The following GRM5 variants were observed in gnomAD, a reference collection of about 807,000 sequenced individuals.
GRM5 encodes the protein glutamate metabotropic receptor 5.
Under a neutral mutation model 83.1 loss-of-function variants are expected in GRM5, and 19 were observed. The observed-to-expected ratio is 0.23, with a 90% CI of 0.16 to 0.34. The LOEUF is 0.34. GRM5 is among the 10% of genes least tolerant of loss of function. The probability of loss-of-function intolerance (pLI) is 1.00; values close to 1 mark genes in which losing one functional copy is unlikely to be tolerated. For synonymous variants in GRM5, 675 were observed against 633.6 expected (o/e 1.07, Z -0.98); for missense variants, 1,160 against 1,588.3 (o/e 0.73, Z 4.58).
chr11:88,847,335 C>T (rs1420356031), intron 3 of GRM5, among the ~76,000 whole-genome samples: 9 of 152,216 alleles, frequency 5.9e-5, no homozygotes, highest in African/African-American at 2.2e-4. Context: ...AGCACTTTTA[C>T]ATATAGTAAA....
chr11:88,938,729 G>A (rs1336312988), intron 2 of GRM5, among the ~76,000 whole-genome samples: 2 of 151,518 alleles, frequency 1.3e-5, no homozygotes, highest in African/African-American at 4.8e-5. Flanking sequence ...CAGGGTTCAA[G>A]TAAAAGTAGG....
chr11:88,689,906 A>ATTT (rs148611004), intron 3 of GRM5, among the ~76,000 whole-genome samples: 1 of 150,092 alleles, frequency 6.7e-6, no homozygotes, highest in African/African-American at 2.4e-5. Flanking sequence ...TTAAAAGAAC[A>ATTT]TTTTTTTTTT....
At chr11:88,776,069 G>A (rs1282272619) in intron 3 of GRM5, among the ~76,000 whole-genome samples, 1 of 152,124 alleles carries the variant, frequency 6.6e-6, no homozygotes, top group Non-Finnish European at 1.5e-5. Context: ...CATTGTGTGG[G>A]AGTCTAAGTC....
chr11:88,547,397 A>G lies in GRM5; in HGVS notation c.2630+19656T>C, dbSNP rs191657121. ...ATTCTCCAAAGAAGAGAACAAAAGT[A>G]GACAGAACTCAAGGACCACAGATTG... On this transcript the variant is annotated intron_variant, in intron 8 of 9. Transcript: ENST00000305447. Among the ~76,000 whole-genome samples the G allele has an allele frequency of 2.2e-4, 33 of 152,286 alleles. No individual in the cohort carries two copies. The East Asian group carries it at 4.1e-3, about 19-fold the overall frequency.
At chr11:88,519,862 G>A (rs1434196887) in intron 9 of GRM5, among the ~76,000 whole-genome samples, 1 of 152,140 alleles carries the variant, frequency 6.6e-6, no homozygotes, top group Non-Finnish European at 1.5e-5. Flanking sequence ...CAGGCAATAT[G>A]CTAAGTGCTG....
intron 3 of GRM5, among the ~76,000 whole-genome samples, chr11:88,805,770 G>A (rs891526174): frequency 6.6e-6 from 1 of 152,158 alleles, no homozygotes; most frequent in Admixed American, 6.5e-5. Flanking sequence ...ACTCAATAAT[G>A]TTTTCTCAGT....
intron 4 of GRM5, among the ~76,000 whole-genome samples, chr11:88,645,927 C>G (rs957240964): frequency 6.6e-6 from 1 of 152,088 alleles, no homozygotes; most frequent in East Asian, 1.9e-4. Flanking sequence ...CCTTGAGATA[C>G]AGCATGGATG....
At chr11:89,038,573 A>G (rs1941450670) in intron 2 of GRM5, among the ~76,000 whole-genome samples, 1 of 152,222 alleles carries the variant, frequency 6.6e-6, no homozygotes, top group East Asian at 1.9e-4. Flanking sequence ...TGTGAGGTCA[A>G]CTTGTTACCA....
intron 3 of GRM5, among the ~76,000 whole-genome samples, chr11:88,722,854 T>C (rs1941580025): frequency 2.0e-5 from 3 of 151,938 alleles, no homozygotes; most frequent in Admixed American, 2.0e-4. Flanking sequence ...TGAATCAATA[T>C]TGATACATTA....
At chr11:88,552,064 G>T (rs1198386009) in intron 8 of GRM5, among the ~76,000 whole-genome samples, 4 of 140,994 alleles carry the variant, frequency 2.8e-5, no homozygotes, top group Non-Finnish European at 6.1e-5. Flanking sequence ...GATCTTTGTT[G>T]CCCAGGCTGG....
chr11:88,510,622 A>G (rs1049651867), intron 9 of GRM5, among the ~76,000 whole-genome samples: 5 of 152,080 alleles, frequency 3.3e-5, no homozygotes, highest in African/African-American at 1.2e-4. Flanking sequence ...ATTCAAGCGA[A>G]TCTCCTGCCT....
At position 88,821,954 on chromosome 11, in the gene GRM5, G is replaced by A. The variant is rs368034035; in HGVS notation, c.911+27952C>T. 1.1e-4 allele frequency among the ~76,000 whole-genome samples: 16 copies of A among 152,048 alleles called. No homozygotes were observed. The East Asian group carries it at 1.9e-3, about 18-fold the overall frequency. ...TCCTACTTACATTTTATCATGAAGC[G>A]GCTTATGCTTAATTCTTTTTGATGA... On this transcript the variant is annotated intron_variant, in intron 3 of 9. Coordinates refer to ENST00000305447, the MANE Select transcript of GRM5 (RefSeq NM_001143831.3).
intron 2 of GRM5, among the ~76,000 whole-genome samples, chr11:88,998,081 A>AAG (rs1331713550): frequency 6.6e-6 from 1 of 150,996 alleles, no homozygotes; most frequent in Non-Finnish European, 1.5e-5. Flanking sequence ...AAAAATAGTA[A>AAG]AGAGAGAGAG....
chr11:88,994,474 T>C (rs1355050530), intron 2 of GRM5, among the ~76,000 whole-genome samples: 1 of 136,508 alleles, frequency 7.3e-6, no homozygotes, highest in East Asian at 2.1e-4. Flanking sequence ...TATATATATA[T>C]ATATATATAT....
chr11:88,612,162 C>A (rs1938338050), intron 4 of GRM5, among the ~76,000 whole-genome samples: 1 of 145,640 alleles, frequency 6.9e-6, no homozygotes, highest in African/African-American at 2.6e-5. Context: ...ATTCCCCTTC[C>A]TGTGTCCATG....
At chr11:88,845,903 G>A (rs1944297197) in intron 3 of GRM5, among the ~76,000 whole-genome samples, 1 of 152,088 alleles carries the variant, frequency 6.6e-6, no homozygotes, top group South Asian at 2.1e-4. Flanking sequence ...TAAAGATAAA[G>A]AATAATATCT....
chr11:88,652,911 CT>C (rs1168540041), intron 4 of GRM5, among the ~76,000 whole-genome samples: 1 of 152,004 alleles, frequency 6.6e-6, no homozygotes, highest in African/African-American at 2.4e-5. Context: ...AGCACAATGC[CT>C]TATGGAAATA....
At chr11:88,684,277 G>A (rs1306668805) in intron 3 of GRM5, among the ~76,000 whole-genome samples, 2 of 152,154 alleles carry the variant, frequency 1.3e-5, no homozygotes, top group African/African-American at 4.8e-5. Context: ...CCATTGGAAT[G>A]TTTTAAGCAG....
At chr11:88,922,543 T>A (rs944362538) in intron 2 of GRM5, among the ~76,000 whole-genome samples, 3 of 152,284 alleles carry the variant, frequency 2.0e-5, no homozygotes, top group Admixed American at 2.0e-4. Flanking sequence ...AGAATAAAAC[T>A]ATACTCTTTT....
Sources: allele counts gnomAD v4.1 joint callset (sites outside exome capture counted in the v4.1 genomes callset), GRCh38; gene constraint gnomAD v4.1.1; transcripts MANE v1.5; gene names NCBI Gene and HGNC (gene_info 2026-07-23, HGNC 2026-07-21).